Variants in DPH6 observed in about 807,000 individuals in gnomAD.
The protein encoded by DPH6 is diphthine--ammonia ligase.
In DPH6, 33 loss-of-function variants were observed where a neutral mutation model predicts 38.2. The ratio of observed to expected loss-of-function variants is 0.86; its 90% CI spans 0.65 to 1.15. The LOEUF is 1.15. Among genes scored for constraint, DPH6 ranks in the 50% most tolerant of loss-of-function variants. The pLI, the probability that DPH6 is intolerant of heterozygous loss-of-function variation, is 0.00. For missense variants in DPH6, 325 were observed against 320.0 expected, an observed-to-expected ratio of 1.02 and a Z score of -0.12; for synonymous variants, 108 against 103.0, an observed-to-expected ratio of 1.05 and a Z score of -0.30.
intron 3 of DPH6, chr15:35,489,807 TTTTA>T (rs1566928944): frequency 3.1e-6 from 3 of 980,948 alleles, no homozygotes; most frequent in Non-Finnish European, 3.6e-6. Flanking sequence ...TCATGTGCCG[TTTTA>T]TTTGTCTAAT....
chr15:35,399,378 A>G (rs1248892219), intron 6 of DPH6, among the ~76,000 whole-genome samples: 2 of 152,178 alleles, frequency 1.3e-5, no homozygotes, highest in Admixed American at 1.3e-4. Flanking sequence ...CAAAATGAGG[A>G]GACAAAAGTT....
At chr15:35,438,970 T>G (rs990991388) in intron 5 of DPH6, among the ~76,000 whole-genome samples, 1 of 152,196 alleles carries the variant, frequency 6.6e-6, no homozygotes, top group Admixed American at 6.5e-5. Context: ...CTGACTAGAT[T>G]CAAAAGGGTA....
chr15:35,289,123 TCTAGA>T (rs1028925722), intron 3 of DPH6, among the ~76,000 whole-genome samples: 5 of 152,146 alleles, frequency 3.3e-5, no homozygotes, highest in Admixed American at 1.3e-4. Context: ...CCAGATGGTT[TCTAGA>T]CTTAGAAGTT....
chr15:35,237,845 G>A lies in DPH6; in HGVS notation n.201-17263C>T, dbSNP rs143863183. On this transcript the variant is annotated intron_variant and non_coding_transcript_variant, in intron 3 of 3. Coordinates refer to the DPH6 transcript ENST00000560386. Reference sequence around the variant, plus strand: ...GGGCCTGGAGGAGGAGGAGGAGGATGAGGATGAGGAGGAGTATGACGAAGA... The same window carrying A: ...GGGCCTGGAGGAGGAGGAGGAGGATAAGGATGAGGAGGAGTATGACGAAGA... The A allele has an allele frequency of 1.4e-4, 212 of 1,533,278 alleles. 1 individual carries two copies. The African/African-American group carries it at 2.6e-3, about 19-fold the overall frequency. The allele number at this position is 1,533,278 out of a possible 1,614,324, so 95.0% of individuals were successfully genotyped here.
intron 6 of DPH6, among the ~76,000 whole-genome samples, chr15:35,405,415 T>G (rs1334992137): frequency 1.3e-5 from 2 of 152,128 alleles, no homozygotes; most frequent in African/African-American, 2.4e-5. Context: ...TTTGTAGACA[T>G]CTTTCATTTC....
downstream of DPH6, among the ~76,000 whole-genome samples, chr15:35,328,284 A>G (rs572732690): frequency 2.0e-5 from 3 of 152,176 alleles, no homozygotes; most frequent in East Asian, 1.9e-4. Context: ...TCTTTCTGCC[A>G]TCTTAACCTG....
chr15:35,367,844 T>C (rs2052674049), downstream of DPH6, among the ~76,000 whole-genome samples: 1 of 151,802 alleles, frequency 6.6e-6, no homozygotes, highest in African/African-American at 2.4e-5. Context: ...TTAAAGCATT[T>C]TTCTCTAACA....
intron 2 of DPH6, among the ~76,000 whole-genome samples, chr15:35,539,443 G>C (rs60681594): frequency 0.25 from 38,403 of 151,854 alleles, 8,494 homozygotes; most frequent in African/African-American, 0.6. Flanking sequence ...GTCTATAAAA[G>C]ATGGGGATAA....
chr15:35,511,673 C>A (rs2054774208), intron 3 of DPH6, among the ~76,000 whole-genome samples: 1 of 151,770 alleles, frequency 6.6e-6, no homozygotes, highest in Non-Finnish European at 1.5e-5. Flanking sequence ...GTTTTCATAT[C>A]ACTGACAAGA....
chr15:35,147,799 C>A, the DPH6 span, among the ~76,000 whole-genome samples: 5 of 152,166 alleles, frequency 3.3e-5, no homozygotes, highest in African/African-American at 1.2e-4. Context: ...ATTTAAAACA[C>A]AATTATTATG....
chr15:35,158,516 A>T, the DPH6 span, among the ~76,000 whole-genome samples: 1 of 152,116 alleles, frequency 6.6e-6, no homozygotes, highest in Non-Finnish European at 1.5e-5. Flanking sequence ...AATAACATCC[A>T]TAATTATTTC....
intron 3 of DPH6, among the ~76,000 whole-genome samples, chr15:35,358,376 T>C (rs1366021578): frequency 6.6e-6 from 1 of 152,244 alleles, no homozygotes; most frequent in Non-Finnish European, 1.5e-5. Flanking sequence ...GAATTCTTTT[T>C]CAGGTAAATC....
Position 35,410,831 on chromosome 15 carries a change from T to TATGAGA in DPH6, c.567+3_567+4insTCTCAT. 1 of 1,596,230 alleles carries TATGAGA rather than the reference T, an allele frequency of 6.3e-7. No homozygotes were observed. ...ACATTTTGAGATCTAGTATAAATTC[T>TATGAGA]TACCTCTATGAGATAAGGCTCCATT... On this transcript the variant is annotated splice_donor_region_variant and intron_variant, in intron 6 of 8. Transcript: ENST00000256538.
chr15:35,393,701 T>C (rs1182810693), intron 6 of DPH6, among the ~76,000 whole-genome samples: 1 of 152,132 alleles, frequency 6.6e-6, no homozygotes, highest in Non-Finnish European at 1.5e-5. Context: ...TTCAGGGCCA[T>C]AAAAAGAATG....
chr15:35,479,159 T>G (rs2054297575), intron 3 of DPH6, among the ~76,000 whole-genome samples: 3 of 152,098 alleles, frequency 2.0e-5, no homozygotes, highest in Admixed American at 2.0e-4. Flanking sequence ...AACAAGATTC[T>G]CATTCTTTTT....
intron 3 of DPH6, among the ~76,000 whole-genome samples, chr15:35,275,617 T>C (rs1165036525): frequency 6.6e-6 from 1 of 151,802 alleles, no homozygotes; most frequent in Non-Finnish European, 1.5e-5. Context: ...ACTTAAAACC[T>C]AGATGATGGG....
chr15:35,222,584 T>C (rs2051449763), intron 3 of DPH6, among the ~76,000 whole-genome samples: 1 of 152,188 alleles, frequency 6.6e-6, no homozygotes, highest in Non-Finnish European at 1.5e-5. Context: ...TTGCATTCTT[T>C]TGAGTCTTTG....
At chr15:35,496,567 A>AAAAAAAAAAAAAAAAAATAT in intron 3 of DPH6, among the ~76,000 whole-genome samples, 5 of 31,016 alleles carry the variant, frequency 1.6e-4, no homozygotes, top group African/African-American at 5.5e-4. Flanking sequence ...AAAAAAAAAA[A>AAAAAAAAAAAAAAAAAATAT]ATATATATAT....
chr15:35,435,960 A>G (rs948351146), intron 5 of DPH6, among the ~76,000 whole-genome samples: 1 of 151,784 alleles, frequency 6.6e-6, no homozygotes, highest in African/African-American at 2.4e-5. Flanking sequence ...TTGGGACCGT[A>G]ATGGCACCTA....
Sources: gnomAD v4.1 joint callset for allele counts (sites outside exome capture counted in the v4.1 genomes callset) on GRCh38, gnomAD v4.1.1 for gene constraint, MANE v1.5 for transcripts, NCBI Gene and HGNC (gene_info 2026-07-23, HGNC 2026-07-21) for gene names.